Variants in DYNC1LI1 observed in about 807,000 individuals in gnomAD.
DYNC1LI1 encodes the protein dynein cytoplasmic 1 light intermediate chain 1.
In DYNC1LI1, 19 loss-of-function variants were observed where a neutral mutation model predicts 63.8. The observed-to-expected ratio is 0.30, with a 90% CI of 0.21 to 0.44. DYNC1LI1 has a LOEUF of 0.44. Ranked by LOEUF, DYNC1LI1 falls within the 20% of genes least tolerant of loss-of-function variation. The probability of loss-of-function intolerance (pLI) is 1.00; values close to 1 mark genes in which losing one functional copy is unlikely to be tolerated. For missense variants in DYNC1LI1, 565 were observed against 630.2 expected (o/e 0.90, Z 1.11); for synonymous variants, 225 against 232.3 (o/e 0.97, Z 0.28).
chr3:32,568,607 G>T (rs1189822802), intron 2 of DYNC1LI1, among the ~76,000 whole-genome samples: 1 of 151,868 alleles, frequency 6.6e-6, no homozygotes, highest in East Asian at 1.9e-4. Flanking sequence ...AGTGTCAAAG[G>T]GGTGTTAAAA....
In DYNC1LI1 at chr3:32,561,600, G is replaced by A. The variant is rs150314508; in HGVS notation, c.220+8746C>T. Among the ~76,000 whole-genome samples the A allele has an allele frequency of 5.3e-3, 810 of 151,966 alleles. 11 individuals carry two copies. The highest frequency in any genetic ancestry group is 0.018 in the African/African-American group (765 of 41,434). ...GGCAAGATGGCACCACTGCACTCCA[G>A]CCTGGGTGACAGAGCGAGACTTCAT... On this transcript the variant is annotated intron_variant, in intron 2 of 12. Coordinates refer to ENST00000273130, the MANE Select transcript of DYNC1LI1 (RefSeq NM_016141.4).
chr3:32,530,409 G>C lies in DYNC1LI1; in HGVS notation c.1140+52C>G, dbSNP rs1217661885. 1.9e-6 allele frequency: 3 copies of C among 1,597,448 alleles called. No individual in the cohort carries two copies. The African/African-American group carries it at 4.1e-5, about 22-fold the overall frequency. On this transcript the variant is annotated intron_variant, in intron 9 of 12. Transcript: ENST00000273130. ...GTATTTTTAAAGAAAATACACACAA[G>C]AACAGTTTACCCATTAACCATACTA...
chr3:32,564,318 TAAAC>T (rs1364480739), intron 2 of DYNC1LI1, among the ~76,000 whole-genome samples: 7 of 152,092 alleles, frequency 4.6e-5, no homozygotes, highest in East Asian at 3.9e-4. Flanking sequence ...CATCTCTAAA[TAAAC>T]AAACAAACAA....
intron 8 of DYNC1LI1, chr3:32,530,785 T>C (rs1404593333): frequency 5.3e-6 from 2 of 378,868 alleles, no homozygotes; most frequent in African/African-American, 4.1e-5. Flanking sequence ...GCACTTGAAA[T>C]GTGGCTAGTG....
chr3:32,545,732 C>T, intron 3 of DYNC1LI1, 117 bp downstream of exon 3: 2 of 756,872 alleles, frequency 2.6e-6, no homozygotes, highest in Non-Finnish European at 4.7e-6. Context: ...TCTTGACCAG[C>T]ATGACATCAC....
At chr3:32,527,023 C>T in intron 12 of DYNC1LI1, 115 bp from the exon 13 acceptor site, 2 of 676,128 alleles carry the variant, frequency 3.0e-6, no homozygotes, top group Non-Finnish European at 5.0e-6. Context: ...ATTTAGCACA[C>T]TAAGTTATAC....
chr3:32,548,095 A>G (rs534106417), intron 2 of DYNC1LI1, among the ~76,000 whole-genome samples: 1 of 152,034 alleles, frequency 6.6e-6, no homozygotes, highest in Non-Finnish European at 1.5e-5. Flanking sequence ...ATGCAACAAT[A>G]TGAATGAACC....
intron 2 of DYNC1LI1, among the ~76,000 whole-genome samples, chr3:32,556,086 C>A (rs1052666417): frequency 2.0e-5 from 3 of 152,210 alleles, no homozygotes; most frequent in Non-Finnish European, 4.4e-5. Context: ...ATACTAGGCT[C>A]TAGACACACA....
intron 8 of DYNC1LI1, 29 bp from the exon 9 acceptor site, chr3:32,530,549 A>T: frequency 6.4e-7 from 1 of 1,551,038 alleles, no homozygotes; most frequent in Non-Finnish European, 8.9e-7. Context: ...AAATGAGCAA[A>T]TTTAATATAT....
intron 5 of DYNC1LI1, 50 bp downstream of exon 5, chr3:32,540,987 G>C (rs1697872417): frequency 1.4e-6 from 2 of 1,423,604 alleles, no homozygotes; most frequent in African/African-American, 2.9e-5. Context: ...CAAAACAGTT[G>C]TTCATCCTCA....
At position 32,570,718 on chromosome 3, in the gene DYNC1LI1, G is replaced by T. The variant is rs28403573; in HGVS notation, c.53C>A (p.Ser18Tyr). The T allele has an allele frequency of 4.3e-6, 7 of 1,609,334 alleles. No homozygotes were observed. The East Asian group carries it at 1.6e-4, about 36-fold the overall frequency. The part of the protein sequence containing the change: ...GSFGSSPPGL[S>Y]STYTGGPLGN... Reference sequence around the variant, plus strand: ...CAAGGGGCCGCCAGTGTAAGTCGAGGATAATCCCGGCGGAGAAGAACCGAA... The same window carrying T: ...CAAGGGGCCGCCAGTGTAAGTCGAGTATAATCCCGGCGGAGAAGAACCGAA... The change falls in exon 1 of 13, where the codon TCC (serine) becomes TAC (tyrosine). Residue 18 changes from serine (S) to tyrosine (Y), a missense_variant. Physicochemically the swap from Ser to Tyr is moderately radical, Grantham distance 144. Coordinates refer to ENST00000273130, the MANE Select transcript of DYNC1LI1 (RefSeq NM_016141.4).
At chr3:32,550,515 T>A (rs570803271) in intron 2 of DYNC1LI1, among the ~76,000 whole-genome samples, 1 of 152,324 alleles carries the variant, frequency 6.6e-6, no homozygotes, top group Non-Finnish European at 1.5e-5. Context: ...CACTACAGCA[T>A]GGTTGTTTCC....
chr3:32,535,782 G>A (rs1697766492), intron 6 of DYNC1LI1, among the ~76,000 whole-genome samples: 1 of 152,154 alleles, frequency 6.6e-6, no homozygotes, highest in Non-Finnish European at 1.5e-5. Context: ...ATCTTGAGAT[G>A]ACTTCTCACA....
intron 1 of DYNC1LI1, 31 bp downstream of exon 1, chr3:32,570,594 G>A: frequency 6.5e-7 from 1 of 1,548,522 alleles, no homozygotes; most frequent in Non-Finnish European, 8.7e-7. Context: ...GGGGGAGCCA[G>A]CGGGGGCTGA....
intron 8 of DYNC1LI1, chr3:32,531,727 G>A (rs1182036567): frequency 2.6e-5 from 4 of 152,026 alleles, no homozygotes; most frequent in Non-Finnish European, 4.4e-5. Flanking sequence ...TTTATATTAT[G>A]AGTGTTTGGA....
intron 2 of DYNC1LI1, among the ~76,000 whole-genome samples, chr3:32,554,863 A>ATTTTTTTTTTTTTT (rs11434502): frequency 9.5e-6 from 1 of 104,722 alleles, no homozygotes; most frequent in Non-Finnish European, 1.8e-5. Context: ...AAATTTTTGA[A>ATTTTTTTTTTTTTT]TTTTTTTTTT....
chr3:32,558,042 G>A (rs342731), intron 2 of DYNC1LI1, among the ~76,000 whole-genome samples: 37,710 of 151,960 alleles, frequency 0.25, 4,884 homozygotes, highest in African/African-American at 0.28. Context: ...ATTACAGCCT[G>A]AGCAACATGG....
intron 7 of DYNC1LI1, 52 bp from the exon 8 acceptor site, chr3:32,533,149 T>TC: frequency 6.4e-7 from 1 of 1,551,428 alleles, no homozygotes; most frequent in Non-Finnish European, 8.6e-7. Flanking sequence ...AGTCATTCTT[T>TC]CATTCAGTCC....
chr3:32,554,525 C>T (rs766176856), intron 2 of DYNC1LI1, among the ~76,000 whole-genome samples: 2 of 152,154 alleles, frequency 1.3e-5, no homozygotes, highest in Non-Finnish European at 2.9e-5. Context: ...ATCCCCTCTT[C>T]TTACAAATGG....
Sources: gnomAD v4.1 joint callset for allele counts (sites outside exome capture counted in the v4.1 genomes callset) on GRCh38, gnomAD v4.1.1 for gene constraint, MANE v1.5 for transcripts, NCBI Gene and HGNC (gene_info 2026-07-23, HGNC 2026-07-21) for gene names.